SIPA1L2: variants seen among roughly 807,000 people sequenced by gnomAD.
The protein encoded by SIPA1L2 is signal induced proliferation associated 1 like 2.
SIPA1L2 carries 56 observed loss-of-function variants against 163.9 expected under a neutral mutation model. The observed-to-expected ratio is 0.34, with a 90% confidence interval of 0.28 to 0.43. The LOEUF is 0.43. SIPA1L2 is among the 20% of genes least tolerant of loss of function. SIPA1L2 has a pLI of 1.00. For synonymous variants in SIPA1L2, 877 were observed against 865.7 expected, an observed-to-expected ratio of 1.01 and a Z score of -0.23; for missense variants, 1,974 against 2,193.5, an observed-to-expected ratio of 0.90 and a Z score of 2.00.
At chr1:232,417,600 G>T (rs1661334713) in intron 18 of SIPA1L2, among the ~76,000 whole-genome samples, 1 of 151,984 alleles carries the variant, frequency 6.6e-6, no homozygotes, top group Non-Finnish European at 1.5e-5. Flanking sequence ...GCAAAGACTG[G>T]GCTGAACTGG....
At chr1:232,550,038 A>C (rs904790889) in intron 2 of SIPA1L2, among the ~76,000 whole-genome samples, 8 of 152,306 alleles carry the variant, frequency 5.3e-5, no homozygotes, top group Middle Eastern at 3.4e-3. Context: ...GGGATTACAC[A>C]CTTAACTATC....
rs553934648 is a variant in SIPA1L2, at chr1:232,419,195, A to G, written c.4631-3570T>C. On this transcript the variant is annotated intron_variant, in intron 18 of 22. Coordinates refer to ENST00000674635, the MANE Select transcript of SIPA1L2 (RefSeq NM_020808.5). ...TAGTTTAGGAATAAAAGCTATGAAA[A>G]TATGGGGATTTAAATCTAAAATCCA... Among the ~76,000 whole-genome samples the G allele has an allele frequency of 1.1e-4, 17 of 152,320 alleles. 1 individual carries two copies. Among genetic ancestry groups the G allele is most frequent in the African/African-American group, 3.8e-4 (16 of 41,570 alleles).
chr1:232,484,885 T>C (rs1368623750), intron 5 of SIPA1L2, among the ~76,000 whole-genome samples: 1 of 152,230 alleles, frequency 6.6e-6, no homozygotes, highest in East Asian at 1.9e-4. Flanking sequence ...TCCACAACAC[T>C]GTTCACTTTT....
intron 2 of SIPA1L2, among the ~76,000 whole-genome samples, chr1:232,563,956 CGTGTGTGT>C (rs34854572): frequency 7.6e-4 from 55 of 72,208 alleles, no homozygotes; most frequent in African/African-American, 2.1e-3. Flanking sequence ...TTTTTTTTTT[CGTGTGTGT>C]GTGTGTGTGT....
rs189596393 is a variant in SIPA1L2 at position 232,425,871 on chromosome 1, T to A, written c.4411-63A>T. On this transcript the variant is annotated intron_variant, in intron 17 of 22. Coordinates refer to ENST00000674635, the MANE Select transcript of SIPA1L2 (RefSeq NM_020808.5). Reference sequence around the variant, plus strand: ...TAAAAAAACGAATGCACGGGGCTTGTTGGACTAAGTCCAGTGGTTTCACAT... The same window carrying A: ...TAAAAAAACGAATGCACGGGGCTTGATGGACTAAGTCCAGTGGTTTCACAT... 5 of 1,410,770 alleles carry A rather than the reference T, an allele frequency of 3.5e-6. No homozygotes were observed. The South Asian group carries it at 4.9e-5, about 14-fold the overall frequency. 87.4% of individuals were successfully genotyped at this position (1,410,770 alleles called of 1,614,324 possible). A position where few individuals can be genotyped will look rare whatever the true frequency, so the allele number is the denominator to read the frequency against.
intron 1 of SIPA1L2, among the ~76,000 whole-genome samples, chr1:232,604,327 A>C (rs1417961417): frequency 6.6e-6 from 1 of 152,206 alleles, no homozygotes; most frequent in Non-Finnish European, 1.5e-5. Context: ...TGTTGTATTC[A>C]TTTCCTTTCC....
intron 2 of SIPA1L2, among the ~76,000 whole-genome samples, chr1:232,545,961 GTTTC>G (rs1209194665): frequency 3.9e-5 from 6 of 152,180 alleles, no homozygotes; most frequent in Non-Finnish European, 5.9e-5. Flanking sequence ...AGACCAAGAA[GTTTC>G]TTTCTTCCCT....
At chr1:232,519,953 A>G (rs1253405712) in intron 2 of SIPA1L2, among the ~76,000 whole-genome samples, 1 of 152,240 alleles carries the variant, frequency 6.6e-6, no homozygotes, top group African/African-American at 2.4e-5. Flanking sequence ...TACCTTCCCT[A>G]GAACTTTATA....
At chr1:232,603,244 A>G (rs577886906) in intron 1 of SIPA1L2, among the ~76,000 whole-genome samples, 34 of 152,318 alleles carry the variant, frequency 2.2e-4, no homozygotes, top group African/African-American at 8.2e-4. Flanking sequence ...TGTGAAATGT[A>G]TTGAGAAGAT....
chr1:232,471,022 T>A (rs1664772658), intron 8 of SIPA1L2, among the ~76,000 whole-genome samples: 1 of 152,138 alleles, frequency 6.6e-6, no homozygotes, highest in Non-Finnish European at 1.5e-5. Context: ...CCAAGATCTT[T>A]GATGAAAAGA....
At chr1:232,616,702 G>A (rs1391760677) in intron 1 of SIPA1L2, among the ~76,000 whole-genome samples, 1 of 152,234 alleles carries the variant, frequency 6.6e-6, no homozygotes, top group Non-Finnish European at 1.5e-5. Flanking sequence ...AGCAGGCAGA[G>A]CTACCTTAAC....
Position 232,606,761 on chromosome 1 carries a change from G to T in SIPA1L2, c.-319+23108C>A, listed in dbSNP as rs141703729. ...TTTAAATGAAAGAAAGTTGTCAGAA[G>T]GTTAAAAAATATAATGCTTAAACTG... On this transcript the variant is annotated intron_variant, in intron 1 of 22. Coordinates refer to ENST00000674635, the MANE Select transcript of SIPA1L2 (RefSeq NM_020808.5). Among the ~76,000 whole-genome samples the T allele has an allele frequency of 5.5e-3, 827 of 151,552 alleles. 3 individuals carry two copies. Among genetic ancestry groups the T allele is most frequent in the African/African-American group, 0.019 (781 of 41,432 alleles).
At chr1:232,565,758 C>T (rs1367082936) in intron 2 of SIPA1L2, among the ~76,000 whole-genome samples, 1 of 152,154 alleles carries the variant, frequency 6.6e-6, no homozygotes, top group African/African-American at 2.4e-5. Flanking sequence ...AACTGGGTGA[C>T]TGCAGGGCCT....
chr1:232,482,883 GGA>G (rs947722070), intron 6 of SIPA1L2, among the ~76,000 whole-genome samples: 12 of 152,170 alleles, frequency 7.9e-5, no homozygotes, highest in Middle Eastern at 3.2e-3. Context: ...ATTCCTACTG[GGA>G]GTTGGGGCAA....
At chr1:232,560,953 A>C (rs924004877) in intron 2 of SIPA1L2, among the ~76,000 whole-genome samples, 4 of 152,226 alleles carry the variant, frequency 2.6e-5, no homozygotes, top group African/African-American at 9.6e-5. Flanking sequence ...TAGACGTAAA[A>C]GAAGCCTTTT....
At chr1:232,462,164 C>CCCT in intron 9 of SIPA1L2, 1 of 1,442,914 alleles carries the variant, frequency 6.9e-7, no homozygotes, top group South Asian at 1.2e-5. Flanking sequence ...CATTAAAGCA[C>CCCT]CACTAATGCA....
At chr1:232,489,685 G>C (rs1665830357) in intron 5 of SIPA1L2, among the ~76,000 whole-genome samples, 1 of 151,990 alleles carries the variant, frequency 6.6e-6, no homozygotes, top group Admixed American at 6.6e-5. Context: ...AGTATTATTT[G>C]GTCAACCAAG....
intron 5 of SIPA1L2, among the ~76,000 whole-genome samples, chr1:232,487,810 C>A (rs981766491): frequency 4.6e-5 from 7 of 152,026 alleles, no homozygotes; most frequent in Non-Finnish European, 1.0e-4. Context: ...GTATCTCCTA[C>A]TTCTGAAAAG....
In SIPA1L2 at chr1:232,428,477, C is replaced by A. The variant is rs1662034827; in HGVS notation, c.4344G>T (p.Leu1448=). The A allele has an allele frequency of 6.3e-7, 1 of 1,597,852 alleles. No homozygotes were observed. Among genetic ancestry groups the A allele is most frequent in the East Asian group, 2.3e-5 (1 of 43,734 alleles). Residue 1448 remains leucine, a synonymous_variant, in exon 17 of 23, where the codon CTG becomes CTT. Coordinates refer to ENST00000674635, the MANE Select transcript of SIPA1L2 (RefSeq NM_020808.5). ...TCAATTTCAGAAAATCTTCTTTAGA[C>A]AGAACATGTTGAGTCTCTGCAACAG... is the stretch of plus-strand genomic sequence containing the variant. The part of the protein sequence containing the change: ...GDAVAETQHV[L]SKEDFLKLML...
Sources: gnomAD v4.1 joint callset for allele counts (sites outside exome capture counted in the v4.1 genomes callset) on GRCh38, gnomAD v4.1.1 for gene constraint, MANE v1.5 for transcripts, NCBI Gene and HGNC (gene_info 2026-07-23, HGNC 2026-07-21) for gene names.